The following LYST variants were observed in gnomAD, a reference collection of about 807,000 sequenced individuals.
LYST encodes the protein lysosomal-trafficking regulator.
A neutral mutation model predicts 413.6 loss-of-function variants in LYST; 192 were observed. The ratio of observed to expected loss-of-function variants is 0.46; its 90% confidence interval spans 0.41 to 0.52. The LOEUF (loss-of-function observed/expected upper bound fraction) is 0.52. LYST is among the 20% of genes least tolerant of loss of function. The pLI is 0.00. For missense variants in LYST, 3,815 were observed against 4,499.9 expected (o/e 0.85, Z 4.35); for synonymous variants, 1,525 against 1,567.3 (o/e 0.97, Z 0.64).
intron 43 of LYST, among the ~76,000 whole-genome samples, chr1:235,710,221 T>C (rs938437982): frequency 6.6e-6 from 1 of 152,158 alleles, no homozygotes; most frequent in Non-Finnish European, 1.5e-5. Flanking sequence ...TGATATGATA[T>C]GGAATATAAA....
At chr1:235,812,896 C>A in intron 4 of LYST, 75 bp downstream of exon 4, 1 of 855,520 alleles carries the variant, frequency 1.2e-6, no homozygotes, top group South Asian at 1.4e-5. Flanking sequence ...GAATCAGAAT[C>A]AAACATTCAG....
chr1:235,775,150 T>C, intron 17 of LYST, 64 bp from the exon 18 acceptor site: 1 of 1,160,706 alleles, frequency 8.6e-7, no homozygotes, highest in Middle Eastern at 2.2e-4. Flanking sequence ...ATTTAACATG[T>C]ATAATCTTCC....
At chr1:235,779,385 T>C (rs1669630812) in intron 16 of LYST, among the ~76,000 whole-genome samples, 1 of 152,208 alleles carries the variant, frequency 6.6e-6, no homozygotes, top group Admixed American at 6.5e-5. Flanking sequence ...AACAAATGGA[T>C]TAACCAAAAA....
intron 40 of LYST, among the ~76,000 whole-genome samples, chr1:235,718,363 C>CTT (rs549670425): frequency 6.9e-6 from 1 of 145,436 alleles, no homozygotes; most frequent in African/African-American, 2.5e-5. Flanking sequence ...AGCATATTCA[C>CTT]TTTTTTTTTT....
chr1:235,673,376 T>C (rs1177673210), intron 50 of LYST, among the ~76,000 whole-genome samples: 22 of 152,208 alleles, frequency 1.4e-4, no homozygotes, highest in Non-Finnish European at 2.6e-4. Context: ...GAAAAATACC[T>C]CTGCCCCTCC....
At chr1:235,858,096 G>A (rs1679420202) in intron 1 of LYST, among the ~76,000 whole-genome samples, 1 of 152,160 alleles carries the variant, frequency 6.6e-6, no homozygotes, top group Non-Finnish European at 1.5e-5. Context: ...AAGAACAATT[G>A]ATTCCAACAC....
At position 235,809,954 on chromosome 1, in the gene LYST, T is replaced by G. The variant is rs1253224250; in HGVS notation, c.864A>C (p.Thr288=). 1 of 1,613,810 alleles carries G rather than the reference T, an allele frequency of 6.2e-7. No homozygotes were observed. Among genetic ancestry groups the G allele is most frequent in the African/African-American group, 1.3e-5 (1 of 74,916 alleles). The change falls in exon 5 of 53, where the codon ACA becomes ACC. Residue 288 remains threonine (T), a synonymous_variant. Coordinates refer to ENST00000389793, the MANE Select transcript of LYST (RefSeq NM_000081.4). The surrounding 1 kb of genome is among the most constrained non-coding windows in gnomAD (Gnocchi z 4.0). ...CAAAGCCTGCTAGGAATTCAGTTAG[T>G]GTGGGCACTACACTGGCTGCTAAAG... ...NSPLAASVVP[T]LTEFLAGFGD...
chr1:235,737,381 T>TA (rs1294389245), intron 31 of LYST: 2 of 152,062 alleles, frequency 1.3e-5, no homozygotes, highest in East Asian at 1.9e-4. Context: ...CTTGTCTTTC[T>TA]AAAAAAATAC....
At position 235,803,849 on chromosome 1, in the gene LYST, CATT is replaced by C. The variant is rs1558269672; in HGVS notation, c.3555+652_3555+654del. Among the ~76,000 whole-genome samples the C allele has an allele frequency of 2.0e-5, 3 of 151,982 alleles. No individual in the cohort carries two copies. The South Asian group carries it at 6.2e-4, about 31-fold the overall frequency. On this transcript the variant is annotated intron_variant, in intron 7 of 52. Coordinates refer to ENST00000389793, the MANE Select transcript of LYST (RefSeq NM_000081.4). The stretch of plus-strand genomic sequence containing the variant: ...AATGTTATTTCAAAACCTTATAAAA[CATT>C]ATATATATGGCTAGATCAAGGAGCT...
At chr1:235,827,953 G>A in intron 3 of LYST, 1 of 443,328 alleles carries the variant, frequency 2.3e-6, no homozygotes, top group South Asian at 9.7e-5. Flanking sequence ...CCTTAAAAAT[G>A]GTACAAAACT....
chr1:235,882,108 A>ACACACACACACACACACACAC (rs1553330425), intron 1 of LYST, among the ~76,000 whole-genome samples: 6 of 151,818 alleles, frequency 4.0e-5, no homozygotes, highest in African/African-American at 1.5e-4. Flanking sequence ...ACACACACAC[A>ACACACACACACACACACACAC]AATAGGAGGC....
At chr1:235,736,195 CA>C (rs1664803356) in intron 31 of LYST, 1 of 151,856 alleles carries the variant, frequency 6.6e-6, no homozygotes, top group African/African-American at 2.4e-5. Context: ...GAATAGATAA[CA>C]AAAAACTCTT....
intron 46 of LYST, among the ~76,000 whole-genome samples, chr1:235,693,940 C>T (rs1196884081): frequency 1.3e-5 from 2 of 152,016 alleles, no homozygotes; most frequent in Non-Finnish European, 2.9e-5. Flanking sequence ...TCATTTAATC[C>T]TGTCAACTGC....
At chr1:235,703,033 C>A in intron 44 of LYST, 56 bp from the exon 45 acceptor site, 1 of 1,218,384 alleles carries the variant, frequency 8.2e-7, no homozygotes, top group South Asian at 1.2e-5. Context: ...AAAGACTTGA[C>A]AATAATACCA....
At chr1:235,861,263 T>C (rs1679838126) in intron 1 of LYST, among the ~76,000 whole-genome samples, 1 of 152,364 alleles carries the variant, frequency 6.6e-6, no homozygotes, top group Middle Eastern at 3.4e-3. Flanking sequence ...TTTTGAAAAT[T>C]ATTTGATTCC....
At chr1:235,879,511 T>G (rs976401651) in intron 1 of LYST, among the ~76,000 whole-genome samples, 1 of 152,204 alleles carries the variant, frequency 6.6e-6, no homozygotes, top group Admixed American at 6.5e-5. Flanking sequence ...TGGAGGACAC[T>G]GTTTGAAGGG....
At chr1:235,795,225 A>T (rs1368013291) in intron 10 of LYST, among the ~76,000 whole-genome samples, 3 of 152,166 alleles carry the variant, frequency 2.0e-5, no homozygotes, top group Admixed American at 6.5e-5. Context: ...CCTGTTTCTC[A>T]GTACAGAGCA....
chr1:235,731,906 T>C (rs974747573), intron 34 of LYST, among the ~76,000 whole-genome samples: 2 of 152,162 alleles, frequency 1.3e-5, no homozygotes, highest in African/African-American at 4.8e-5. Context: ...TTTCTTTCTG[T>C]GGTATGAATC....
At chr1:235,776,972 C>T in intron 17 of LYST, 91 bp downstream of exon 17, 2 of 1,166,272 alleles carry the variant, frequency 1.7e-6, no homozygotes, top group South Asian at 2.7e-5. Flanking sequence ...TCGAGTGTAG[C>T]TTTTTCGTGT....
Sources: gnomAD v4.1 joint callset for allele counts (sites outside exome capture counted in the v4.1 genomes callset) on GRCh38, gnomAD v4.1.1 for gene constraint, Gnocchi (gnomAD v3.1) non-coding constraint, MANE v1.5 for transcripts, NCBI Gene and HGNC (gene_info 2026-07-23, HGNC 2026-07-21) for gene names.